SYS1: variants seen among roughly 807,000 people sequenced by gnomAD.
The protein encoded by SYS1 is SYS1 golgi trafficking protein.
SYS1 carries 8 observed loss-of-function variants against 17.8 expected under a neutral mutation model. The observed-to-expected ratio is 0.45, with a 90% CI of 0.26 to 0.81. The LOEUF (loss-of-function observed/expected upper bound fraction) is 0.81. Among genes scored for constraint, SYS1 ranks in the 40% least tolerant of loss-of-function variants. The pLI is 0.16. For synonymous variants in SYS1, 95 were observed against 90.9 expected (o/e 1.05, Z -0.26); for missense variants, 161 against 203.9 (o/e 0.79, Z 1.28).
Position 45,367,269 on chromosome 20 carries a change from A to G in SYS1, c.*154A>G, listed in dbSNP as rs1456238491. 3 of 1,457,450 alleles carry G rather than the reference A, an allele frequency of 2.1e-6. No individual in the cohort carries two copies. Among genetic ancestry groups the G allele is most frequent in the African/African-American group, 2.8e-5 (2 of 70,528 alleles). The allele number at this position is 1,457,450 out of a possible 1,614,324, so 90.3% of individuals were successfully genotyped here. On this transcript the variant is annotated 3_prime_UTR_variant, in exon 4 of 4. Transcript: ENST00000243918. Reference sequence around the variant, plus strand: ...GAGAGATAGTGAGGGCCTGTCAAAGAAGGCAGGTAGCAGTCAGCATGACAG... The same window carrying G: ...GAGAGATAGTGAGGGCCTGTCAAAGGAGGCAGGTAGCAGTCAGCATGACAG...
exon 4 of SYS1, chr20:45,374,873 G>T (rs777626619): frequency 5.8e-6 from 5 of 867,364 alleles, no homozygotes; most frequent in Non-Finnish European, 7.0e-6. Flanking sequence ...GTATGATGTT[G>T]GTCTAAGGCT....
chr20:45,363,466 C>T (rs766879851), intron 1 of SYS1, 63 bp from the exon 2 acceptor site: 5 of 1,519,008 alleles, frequency 3.3e-6, no homozygotes, highest in Non-Finnish European at 4.4e-6. Flanking sequence ...TCCCTCCTCC[C>T]GGGCGGGGCG....
chr20:45,373,959 C>T (rs772716540), downstream of SYS1: 1 of 1,614,040 alleles, frequency 6.2e-7, no homozygotes, highest in Non-Finnish European at 8.5e-7. Context: ...CAGCTGATGG[C>T]GCGATCTCCA....
exon 4 of SYS1, chr20:45,375,126 G>A (rs1988685831): frequency 6.2e-7 from 1 of 1,613,940 alleles, no homozygotes; most frequent in African/African-American, 1.3e-5. Flanking sequence ...TGGAGGATCT[G>A]CACATCACCC....
intron 2 of SYS1, chr20:45,365,211 C>T (rs1988370501): frequency 3.2e-6 from 1 of 317,018 alleles, no homozygotes; most frequent in East Asian, 8.2e-5. Context: ...GCCATTGTAG[C>T]ACAGAAGGCT....
chr20:45,370,036 T>TAC (rs1988529169), downstream of SYS1, among the ~76,000 whole-genome samples: 1 of 151,994 alleles, frequency 6.6e-6, no homozygotes, highest in South Asian at 2.1e-4. Context: ...GCAATGCTCA[T>TAC]ACTTCAGCCT....
upstream of SYS1, chr20:45,362,950 T>G: frequency 4.1e-6 from 1 of 241,244 alleles, no homozygotes; most frequent in Non-Finnish European, 6.7e-6. Flanking sequence ...CGCCTTCCTT[T>G]AAAAAAAGAA....
In SYS1 at chr20:45,366,629, A is replaced by G. The variant is rs542846213; in HGVS notation, c.231-246A>G. Among the ~76,000 whole-genome samples, 146 of 152,284 alleles carry G rather than the reference A, an allele frequency of 9.6e-4. 1 individual carries two copies. The Middle Eastern group carries it at 0.02, about 21-fold the overall frequency. On this transcript the variant is annotated intron_variant, in intron 3 of 3. Transcript: ENST00000243918. ...TAGAACATGTATGCTTCAGGGTGTC[A>G]TGATCCCCACCAATTCCTAGGATCC...
intron 2 of SYS1, among the ~76,000 whole-genome samples, chr20:45,364,617 G>T (rs1196969025): frequency 6.6e-6 from 1 of 150,780 alleles, no homozygotes; most frequent in Non-Finnish European, 1.5e-5. Context: ...GACTACAGGC[G>T]CCCGCCACTA....
At chr20:45,374,447 T>A in exon 4 of SYS1, 1 of 571,652 alleles carries the variant, frequency 1.7e-6, no homozygotes, top group South Asian at 2.4e-5. Flanking sequence ...AATTTTTAAA[T>A]TTTTTGTAGA....
At chr20:45,371,874 C>T (rs913653919), downstream of SYS1, among the ~76,000 whole-genome samples, 1 of 152,158 alleles carries the variant, frequency 6.6e-6, no homozygotes, top group Non-Finnish European at 1.5e-5. Flanking sequence ...TGTTCAATGC[C>T]CCACAAACTG....
At chr20:45,373,930 G>A, downstream of SYS1, 5 of 1,613,926 alleles carry the variant, frequency 3.1e-6, no homozygotes, top group Non-Finnish European at 8.5e-7. Flanking sequence ...CGTGAATTTC[G>A]CCACCCATTC....
In SYS1 at chr20:45,368,258, C is replaced by G. The variant is rs1413098602; in HGVS notation, c.*1143C>G. 1 of 985,364 alleles carries G rather than the reference C, an allele frequency of 1.0e-6. No homozygotes were observed. The highest frequency in any genetic ancestry group is 1.7e-5 in the African/African-American group (1 of 57,244). 61.0% of individuals were successfully genotyped at this position (985,364 alleles called of 1,614,324 possible). On this transcript the variant is annotated 3_prime_UTR_variant, in exon 4 of 4. Transcript: ENST00000243918. ...CATTCCTCCATTTGGTTAAAATACT[C>G]AGTGCAGGGAACTCTTACATCCTGT...
chr20:45,364,903 G>GT (rs1007861525), intron 2 of SYS1, among the ~76,000 whole-genome samples: 5 of 152,182 alleles, frequency 3.3e-5, no homozygotes, highest in East Asian at 1.9e-4. Flanking sequence ...GCTTTGTGAG[G>GT]TTTTTTTAGG....
downstream of SYS1, among the ~76,000 whole-genome samples, chr20:45,371,655 A>G (rs535290201): frequency 4.0e-4 from 61 of 152,332 alleles, no homozygotes; most frequent in African/African-American, 1.4e-3. Context: ...GATCCAGACA[A>G]TTGTGAGACG....
rs1568917218 is a variant in SYS1 at position 45,365,608 on chromosome 20, T to C, written c.163-11T>C. On this transcript the variant is annotated splice_polypyrimidine_tract_variant and intron_variant, in intron 2 of 3. Transcript: ENST00000243918. ...TTCTCCAGTATATTTCCATTTGTGA[T>C]TCCCCCTCAGATCCTGGGCTTTTCC... 1 of 1,614,032 alleles carries C rather than the reference T, an allele frequency of 6.2e-7. No homozygotes were observed. Among genetic ancestry groups the C allele is most frequent in the South Asian group, 1.1e-5 (1 of 91,084 alleles).
downstream of SYS1, among the ~76,000 whole-genome samples, chr20:45,370,849 CCT>C (rs1264450726): frequency 6.6e-6 from 1 of 152,106 alleles, no homozygotes; most frequent in Non-Finnish European, 1.5e-5. Context: ...CAAGAGAACT[CCT>C]CTGTGGAGAG....
exon 4 of SYS1, chr20:45,375,805 C>G (rs1988713991): frequency 4.1e-6 from 2 of 493,112 alleles, no homozygotes; most frequent in Non-Finnish European, 7.2e-6. Context: ...TTGTCTACAT[C>G]ATCTGCCACT....
chr20:45,373,975 T>TG (rs749781706), downstream of SYS1: 5 of 1,614,076 alleles, frequency 3.1e-6, no homozygotes, highest in South Asian at 5.5e-5. Context: ...CTCCACCCTC[T>TG]GCTCGCACCT....
Sources: gnomAD v4.1 joint callset for allele counts (sites outside exome capture counted in the v4.1 genomes callset) on GRCh38, gnomAD v4.1.1 for gene constraint, MANE v1.5 for transcripts, NCBI Gene and HGNC (gene_info 2026-07-23, HGNC 2026-07-21) for gene names.